Variants in AGBL4 observed in about 807,000 individuals in gnomAD.
AGBL4 encodes AGBL carboxypeptidase 4, also known as cytosolic carboxypeptidase 6.
Under a neutral mutation model 66.4 loss-of-function variants are expected in AGBL4, and 58 were observed. That is an observed-to-expected ratio of 0.87 (90% confidence interval 0.71 to 1.09). The LOEUF (loss-of-function observed/expected upper bound fraction) is 1.09, where lower values mean the gene tolerates loss of function less well. AGBL4 is among the 50% of genes least tolerant of loss of function. The pLI, the probability that AGBL4 is intolerant of heterozygous loss-of-function variation, is 0.00. For synonymous variants in AGBL4, 234 were observed against 222.9 expected, an observed-to-expected ratio of 1.05 and a Z score of -0.44; for missense variants, 579 against 631.0, an observed-to-expected ratio of 0.92 and a Z score of 0.88.
chr1:49,433,836 C>T (rs1645841957), intron 3 of AGBL4, among the ~76,000 whole-genome samples: 1 of 152,146 alleles, frequency 6.6e-6, no homozygotes, highest in South Asian at 2.1e-4. Flanking sequence ...AAATGCTTGA[C>T]ATGGTGCCTG....
intron 4 of AGBL4, among the ~76,000 whole-genome samples, chr1:49,197,237 C>T (rs576018203): frequency 2.6e-5 from 4 of 152,282 alleles, no homozygotes; most frequent in Admixed American, 1.3e-4. Context: ...TGGTGGCTTT[C>T]CCAAATGCCA....
chr1:49,287,235 C>CTT (rs1644434358), intron 3 of AGBL4, among the ~76,000 whole-genome samples: 1 of 137,864 alleles, frequency 7.3e-6, no homozygotes, highest in Non-Finnish European at 1.6e-5. Flanking sequence ...AAGACTTAAA[C>CTT]GTTAGACCTA....
At chr1:48,552,691 C>G (rs1465710598) in intron 11 of AGBL4, among the ~76,000 whole-genome samples, 1 of 152,130 alleles carries the variant, frequency 6.6e-6, no homozygotes, top group Non-Finnish European at 1.5e-5. Flanking sequence ...GGCAAACACA[C>G]CTGGGGGTGA....
intron 3 of AGBL4, among the ~76,000 whole-genome samples, chr1:49,554,880 T>C (rs954872099): frequency 6.6e-6 from 1 of 151,362 alleles, no homozygotes; most frequent in Non-Finnish European, 1.5e-5. Flanking sequence ...GCGTCTGGAG[T>C]TGTTCGTTCC....
intron 1 of AGBL4, among the ~76,000 whole-genome samples, chr1:49,937,845 G>A (rs1654259906): frequency 6.6e-6 from 1 of 152,078 alleles, no homozygotes; most frequent in Non-Finnish European, 1.5e-5. Flanking sequence ...AAAGCAGTGT[G>A]TAGAGGGATT....
chr1:49,670,983 A>G (rs1332433847), intron 3 of AGBL4, among the ~76,000 whole-genome samples: 1 of 152,180 alleles, frequency 6.6e-6, no homozygotes, highest in Non-Finnish European at 1.5e-5. Context: ...CTAGAAAAAC[A>G]TATTTTAAAT....
intron 6 of AGBL4, among the ~76,000 whole-genome samples, chr1:48,798,563 TC>T (rs1262955377): frequency 6.6e-6 from 1 of 152,220 alleles, no homozygotes; most frequent in Non-Finnish European, 1.5e-5. Flanking sequence ...GCATTTGCTT[TC>T]CTGATCATGA....
the AGBL4 span, among the ~76,000 whole-genome samples, chr1:48,523,567 A>C: frequency 6.6e-6 from 1 of 152,232 alleles, no homozygotes; most frequent in Non-Finnish European, 1.5e-5. Context: ...CCTAAGGATA[A>C]ATGAATAAAA....
At chr1:49,833,875 A>G (rs1645771328) in intron 2 of AGBL4, among the ~76,000 whole-genome samples, 1 of 152,152 alleles carries the variant, frequency 6.6e-6, no homozygotes, top group Non-Finnish European at 1.5e-5. Context: ...GTTGCTTATC[A>G]GCTTAAGGAG....
intron 3 of AGBL4, among the ~76,000 whole-genome samples, chr1:49,372,994 A>C (rs1024851221): frequency 3.3e-5 from 5 of 152,048 alleles, no homozygotes; most frequent in Non-Finnish European, 5.9e-5. Context: ...CCGGGGCTCA[A>C]GTGATCCTCC....
At chr1:49,633,112 A>T (rs957220152) in intron 3 of AGBL4, among the ~76,000 whole-genome samples, 1 of 151,862 alleles carries the variant, frequency 6.6e-6, no homozygotes, top group African/African-American at 2.4e-5. Context: ...ATAAAAAAAT[A>T]AAAAATCCAG....
chr1:48,761,307 T>C (rs1452691121), intron 6 of AGBL4: 14 of 1,535,924 alleles, frequency 9.1e-6, no homozygotes, highest in Middle Eastern at 1.7e-4. Context: ...TGCTCCAGCA[T>C]ACCTCCAAAG....
At chr1:49,290,164 A>C (rs1297164021) in intron 3 of AGBL4, among the ~76,000 whole-genome samples, 1 of 152,214 alleles carries the variant, frequency 6.6e-6, no homozygotes, top group Admixed American at 6.5e-5. Context: ...TTTTGCTGAG[A>C]CTATGGCATG....
intron 4 of AGBL4, among the ~76,000 whole-genome samples, chr1:49,157,610 CTGG>C (rs1646459340): frequency 2.0e-5 from 3 of 152,058 alleles, no homozygotes; most frequent in Admixed American, 2.0e-4. Flanking sequence ...AATGGGATTC[CTGG>C]GTCAAATGGT....
intron 4 of AGBL4, among the ~76,000 whole-genome samples, chr1:49,185,256 A>C (rs1335372070): frequency 6.6e-6 from 1 of 152,220 alleles, no homozygotes; most frequent in Non-Finnish European, 1.5e-5. Flanking sequence ...GATTCTACAG[A>C]AAAGGGCACA....
intron 4 of AGBL4, among the ~76,000 whole-genome samples, chr1:49,163,676 C>G (rs548284302): frequency 6.6e-6 from 1 of 152,200 alleles, no homozygotes; most frequent in Admixed American, 6.5e-5. Context: ...GAAAATCAAT[C>G]ACACATTATA....
intron 5 of AGBL4, among the ~76,000 whole-genome samples, chr1:48,939,138 C>A (rs1655728754): frequency 6.6e-6 from 1 of 152,184 alleles, no homozygotes; most frequent in Non-Finnish European, 1.5e-5. Flanking sequence ...GTCTTTTCCC[C>A]ATTGGACCCT....
At chr1:49,088,077 T>C (rs547035407) in intron 4 of AGBL4, among the ~76,000 whole-genome samples, 1 of 152,292 alleles carries the variant, frequency 6.6e-6, no homozygotes, top group South Asian at 2.1e-4. Context: ...AAGAGGTCCT[T>C]AAGGGAGTGC....
intron 2 of AGBL4, among the ~76,000 whole-genome samples, chr1:49,772,727 TGAGG>T (rs1644098049): frequency 6.6e-6 from 1 of 152,210 alleles, no homozygotes; most frequent in Admixed American, 6.5e-5. Flanking sequence ...GACAATCTAA[TGAGG>T]ATTCTCTTAT....
Sources: gnomAD v4.1 joint callset for allele counts (sites outside exome capture counted in the v4.1 genomes callset) on GRCh38, gnomAD v4.1.1 for gene constraint, MANE v1.5 for transcripts, NCBI Gene and HGNC (gene_info 2026-07-23, HGNC 2026-07-21) for gene names.